The following MAGI2 variants were observed in gnomAD, a reference collection of about 807,000 sequenced individuals.
MAGI2 encodes the protein membrane associated guanylate kinase, WW and PDZ domain containing 2.
A neutral mutation model predicts 133.3 loss-of-function variants in MAGI2; 35 were observed. The ratio of observed to expected loss-of-function variants is 0.26; its 90% CI spans 0.20 to 0.35. The LOEUF (loss-of-function observed/expected upper bound fraction) is 0.35, where lower values mean the gene tolerates loss of function less well. Ranked by LOEUF, MAGI2 falls within the 10% of genes least tolerant of loss-of-function variation. MAGI2 has a pLI of 1.00. For missense variants in MAGI2, 1,636 were observed against 1,863.4 expected (o/e 0.88, Z 2.25); for synonymous variants, 729 against 710.6 (o/e 1.03, Z -0.41).
At chr7:79,301,347 G>A (rs1284211286) in intron 1 of MAGI2, among the ~76,000 whole-genome samples, 2 of 152,232 alleles carry the variant, frequency 1.3e-5, no homozygotes, top group African/African-American at 4.8e-5. Context: ...GAGATGCCAA[G>A]GCCTTGGAAG....
intron 2 of MAGI2, among the ~76,000 whole-genome samples, chr7:78,642,453 G>A (rs746145317): frequency 8.5e-5 from 13 of 152,118 alleles, no homozygotes; most frequent in Non-Finnish European, 1.3e-4. Context: ...GATTCAACAG[G>A]AGAGAGCCCT....
chr7:79,136,003 G>GAAAGAAAGAAAGAAAGAA lies in MAGI2; in HGVS notation c.302-128798_302-128797insTTCTTTCTTTCTTTCTTT, dbSNP rs749343638. Among the ~76,000 whole-genome samples the GAAAGAAAGAAAGAAAGAA allele has an allele frequency of 6.4e-4, 26 of 40,918 alleles. 6 individuals carry two copies. The highest frequency in any genetic ancestry group is 8.9e-4 in the African/African-American group (10 of 11,240). 26.8% of individuals were successfully genotyped at this position (40,918 alleles called of 152,430 possible). On this transcript the variant is annotated intron_variant, in intron 1 of 21. Transcript: ENST00000354212. ...AGAAAGAAAGAAAGAAAGAAAGAAA[G>GAAAGAAAGAAAGAAAGAA]AGAAAGAAAGAAAGAAAGAAAGAAG...
At chr7:79,241,301 A>G (rs528911821) in intron 1 of MAGI2, among the ~76,000 whole-genome samples, 4 of 152,348 alleles carry the variant, frequency 2.6e-5, no homozygotes, top group Non-Finnish European at 4.4e-5. Context: ...TTTGCTAACT[A>G]AAAGTCATAT....
Position 78,330,481 on chromosome 7 carries a change from G to A in MAGI2, c.1408+13297C>T, listed in dbSNP as rs1028506853. 4.4e-5 allele frequency among the ~76,000 whole-genome samples: 4 copies of A among 90,668 alleles called. 1 individual carries two copies. Among genetic ancestry groups the A allele is most frequent in the South Asian group, 2.9e-4 (1 of 3,412 alleles). The allele number at this position is 90,668 out of a possible 152,430, so 59.5% of individuals were successfully genotyped here. ...AAATACAAAAAATTAGCCGGGCGAG[G>A]TGGCGGGCGCCTGTAGTCCCAGCTA... On this transcript the variant is annotated intron_variant, in intron 9 of 21. Transcript: ENST00000354212.
intron 2 of MAGI2, among the ~76,000 whole-genome samples, chr7:78,788,957 G>C (rs75980578): frequency 6.6e-6 from 1 of 151,998 alleles, no homozygotes; most frequent in African/African-American, 2.4e-5. Flanking sequence ...CCTTCTCCTG[G>C]GTCGCTGTCC....
intron 2 of MAGI2, among the ~76,000 whole-genome samples, chr7:78,709,045 A>T (rs2151170604): frequency 6.6e-6 from 1 of 152,184 alleles, no homozygotes; most frequent in East Asian, 1.9e-4. Flanking sequence ...TCTGCAAAAG[A>T]TTCTTAACTC....
chr7:79,094,081 C>CT (rs1817317618), intron 1 of MAGI2, among the ~76,000 whole-genome samples: 1 of 152,210 alleles, frequency 6.6e-6, no homozygotes, highest in East Asian at 1.9e-4. Flanking sequence ...CAAGATTTCT[C>CT]TGTAGCATGT....
chr7:78,033,054 G>A (rs1344018604), intron 21 of MAGI2, among the ~76,000 whole-genome samples: 1 of 152,166 alleles, frequency 6.6e-6, no homozygotes, highest in African/African-American at 2.4e-5. Context: ...TAGATTGCAG[G>A]TGGAATCAAG....
intron 10 of MAGI2, among the ~76,000 whole-genome samples, chr7:78,250,404 G>T (rs1199169266): frequency 2.0e-5 from 3 of 152,074 alleles, no homozygotes; most frequent in Non-Finnish European, 4.4e-5. Flanking sequence ...AGTAGTTGGA[G>T]TGAAATTTAT....
chr7:79,354,957 G>T (rs995925759), intron 1 of MAGI2, among the ~76,000 whole-genome samples: 2 of 152,106 alleles, frequency 1.3e-5, no homozygotes, highest in African/African-American at 4.8e-5. Flanking sequence ...ACCTCTGTTG[G>T]GATCACTATC....
intron 20 of MAGI2, among the ~76,000 whole-genome samples, chr7:78,099,699 T>C: frequency 6.6e-6 from 1 of 152,244 alleles, no homozygotes; most frequent in East Asian, 1.9e-4. Context: ...AAAGCTATGA[T>C]ATACTTCCTT....
intron 21 of MAGI2, among the ~76,000 whole-genome samples, chr7:78,038,155 G>A (rs1331146654): frequency 6.6e-6 from 1 of 152,078 alleles, no homozygotes; most frequent in East Asian, 1.9e-4. Flanking sequence ...TGTTAGAAAG[G>A]GACTGGGATC....
intron 2 of MAGI2, among the ~76,000 whole-genome samples, chr7:78,859,131 G>C (rs1464276081): frequency 1.3e-5 from 2 of 151,756 alleles, no homozygotes; most frequent in African/African-American, 4.8e-5. Flanking sequence ...GCCTATGTGT[G>C]TCTCTGCACG....
At chr7:78,360,241 C>A (rs898228642) in intron 7 of MAGI2, among the ~76,000 whole-genome samples, 2 of 152,084 alleles carry the variant, frequency 1.3e-5, no homozygotes, top group African/African-American at 2.4e-5. Context: ...AGTTATGTAT[C>A]TATTAAAGAT....
chr7:78,295,458 A>G (rs1291616637), intron 9 of MAGI2, among the ~76,000 whole-genome samples: 3 of 152,162 alleles, frequency 2.0e-5, no homozygotes, highest in African/African-American at 7.2e-5. Context: ...AGTTTAAAAG[A>G]ATCTCTCACA....
At chr7:78,134,069 T>A (rs1488610128) in intron 17 of MAGI2, 5 of 152,206 alleles carry the variant, frequency 3.3e-5, no homozygotes, top group Non-Finnish European at 5.9e-5. Context: ...ATCCCTGGCC[T>A]CCACCCCCTA....
At chr7:78,369,287 T>C (rs1793689302) in intron 6 of MAGI2, 74 bp from the exon 7 acceptor site, 4 of 1,071,970 alleles carry the variant, frequency 3.7e-6, no homozygotes, top group Non-Finnish European at 1.4e-6. Context: ...AATTTAATTG[T>C]TCATGGATTG....
intron 4 of MAGI2, among the ~76,000 whole-genome samples, chr7:78,512,026 G>C (rs1004187896): frequency 6.6e-6 from 1 of 152,000 alleles, no homozygotes; most frequent in African/African-American, 2.4e-5. Context: ...GGGAGGCTGA[G>C]GCAGGTGAAT....
At chr7:78,350,196 G>A (rs1791360316) in intron 7 of MAGI2, 1 of 152,198 alleles carries the variant, frequency 6.6e-6, no homozygotes, top group African/African-American at 2.4e-5. Flanking sequence ...ATTTAAGGAT[G>A]AGATTCCATT....
Sources: allele counts gnomAD v4.1 joint callset (sites outside exome capture counted in the v4.1 genomes callset), GRCh38; gene constraint gnomAD v4.1.1; transcripts MANE v1.5; gene names NCBI Gene and HGNC (gene_info 2026-07-23, HGNC 2026-07-21).